Variants in DISC1 observed in about 807,000 individuals in gnomAD.
DISC1 encodes the protein DISC1 scaffold protein, also known as disrupted in schizophrenia 1 protein.
DISC1 carries 57 observed loss-of-function variants against 84.5 expected under a neutral mutation model. The ratio of observed to expected loss-of-function variants is 0.67; its 90% CI spans 0.55 to 0.84. The LOEUF is 0.84. Among genes scored for constraint, DISC1 ranks in the 40% least tolerant of loss-of-function variants. The probability of loss-of-function intolerance (pLI) is 0.00; values close to 1 mark genes in which losing one functional copy is unlikely to be tolerated. For missense variants in DISC1, 1,000 were observed against 1,057.8 expected (o/e 0.95, Z 0.76); for synonymous variants, 411 against 415.2 (o/e 0.99, Z 0.12).
At chr1:231,982,269 A>G (rs1444771924) in intron 10 of DISC1, among the ~76,000 whole-genome samples, 1 of 152,136 alleles carries the variant, frequency 6.6e-6, no homozygotes, top group Non-Finnish European at 1.5e-5. Context: ...CAGCAGCATT[A>G]GGGTTGGGAA....
At chr1:231,798,831 G>C in intron 7 of DISC1, among the ~76,000 whole-genome samples, 1 of 152,170 alleles carries the variant, frequency 6.6e-6, no homozygotes, top group East Asian at 1.9e-4. Context: ...AGAACATATG[G>C]AAGTCCATGA....
At chr1:231,808,437 C>T (rs754824815) in intron 8 of DISC1, among the ~76,000 whole-genome samples, 2 of 152,198 alleles carry the variant, frequency 1.3e-5, no homozygotes, top group Admixed American at 6.5e-5. Context: ...ACTGATGTTA[C>T]TCTCCCCTGG....
At chr1:231,928,518 T>C (rs765487061) in intron 9 of DISC1, among the ~76,000 whole-genome samples, 4 of 152,244 alleles carry the variant, frequency 2.6e-5, no homozygotes, top group Admixed American at 6.5e-5. Context: ...CCTGGACTCA[T>C]TGATTTTTTT....
intron 8 of DISC1, 150 bp from the exon 9 acceptor site, chr1:231,818,179 C>T (rs1334649662): frequency 3.7e-6 from 3 of 819,782 alleles, no homozygotes; most frequent in Non-Finnish European, 6.1e-6. Flanking sequence ...AGGTTCTTTC[C>T]CCAGAGGACT....
intron 4 of DISC1, among the ~76,000 whole-genome samples, chr1:231,752,411 C>T (rs1038526512): frequency 9.9e-5 from 15 of 151,986 alleles, no homozygotes; most frequent in Non-Finnish European, 1.9e-4. Context: ...GAGGGAGGTG[C>T]CACACACTTT....
chr1:231,892,552 A>G (rs1175550331), intron 9 of DISC1, among the ~76,000 whole-genome samples: 2 of 152,128 alleles, frequency 1.3e-5, no homozygotes, highest in African/African-American at 4.8e-5. Flanking sequence ...ATTATTAACT[A>G]TGTTAGAGAG....
chr1:231,754,159 G>T (rs964693675), intron 4 of DISC1, among the ~76,000 whole-genome samples: 1 of 152,048 alleles, frequency 6.6e-6, no homozygotes, highest in Non-Finnish European at 1.5e-5. Flanking sequence ...CGATTCCAAA[G>T]CCAGTTCCAC....
chr1:231,755,680 G>A (rs1005739692), intron 4 of DISC1, among the ~76,000 whole-genome samples: 1 of 152,074 alleles, frequency 6.6e-6, no homozygotes, highest in East Asian at 1.9e-4. Flanking sequence ...TATATCCCCA[G>A]TCTGAATGAC....
intron 1 of DISC1, among the ~76,000 whole-genome samples, chr1:231,635,348 G>A (rs987632711): frequency 1.3e-5 from 2 of 151,804 alleles, no homozygotes; most frequent in African/African-American, 2.4e-5. Context: ...TCTGCCCACC[G>A]AGAATATTAC....
chr1:231,747,472 A>G (rs779286402), intron 3 of DISC1, among the ~76,000 whole-genome samples: 4 of 152,180 alleles, frequency 2.6e-5, no homozygotes, highest in African/African-American at 4.8e-5. Context: ...CCTTCTGCAT[A>G]TGGATATACA....
chr1:232,017,476 T>A (rs1668585408), intron 11 of DISC1, among the ~76,000 whole-genome samples: 1 of 134,608 alleles, frequency 7.4e-6, no homozygotes, highest in South Asian at 2.4e-4. Flanking sequence ...AGGGAACACC[T>A]GTCCTTTTTT....
At chr1:231,926,218 G>A (rs1460014984) in intron 9 of DISC1, among the ~76,000 whole-genome samples, 1 of 152,144 alleles carries the variant, frequency 6.6e-6, no homozygotes, top group African/African-American at 2.4e-5. Context: ...TATCCCATTT[G>A]TGGATAGACT....
At chr1:231,730,520 C>A (rs58160737) in intron 3 of DISC1, among the ~76,000 whole-genome samples, 16,161 of 152,068 alleles carry the variant, frequency 0.11, 969 homozygotes, top group Non-Finnish European at 0.13. Flanking sequence ...TCTATTGATC[C>A]TGTCACCCCA....
intron 1 of DISC1, among the ~76,000 whole-genome samples, chr1:231,690,149 T>C (rs1471084187): frequency 1.3e-5 from 2 of 152,186 alleles, no homozygotes; most frequent in Non-Finnish European, 2.9e-5. Flanking sequence ...TGTTCTAAGC[T>C]GCTTTCACTT....
chr1:231,942,723 C>A (rs1213603540), intron 9 of DISC1, among the ~76,000 whole-genome samples: 1 of 152,082 alleles, frequency 6.6e-6, no homozygotes, highest in African/African-American at 2.4e-5. Context: ...TGGCCAGAGG[C>A]GCCACATTTT....
chr1:231,823,713 G>A (rs899891919), intron 9 of DISC1, among the ~76,000 whole-genome samples: 3 of 152,072 alleles, frequency 2.0e-5, no homozygotes, highest in African/African-American at 4.8e-5. Context: ...GCATGTCATC[G>A]GGGTTTGGTG....
intron 1 of DISC1, among the ~76,000 whole-genome samples, chr1:231,644,715 C>T (rs1437611332): frequency 6.6e-6 from 1 of 152,172 alleles, no homozygotes; most frequent in Non-Finnish European, 1.5e-5. Context: ...GGGTGTCTAG[C>T]TATGACCCCC....
chr1:231,898,606 A>T (rs565041867), intron 9 of DISC1, among the ~76,000 whole-genome samples: 1 of 152,344 alleles, frequency 6.6e-6, no homozygotes, highest in East Asian at 1.9e-4. Flanking sequence ...TCAACAAGTA[A>T]GGTTGGAAAG....
At chr1:231,847,932 G>T (rs2083580489) in intron 9 of DISC1, among the ~76,000 whole-genome samples, 1 of 152,172 alleles carries the variant, frequency 6.6e-6, no homozygotes, top group African/African-American at 2.4e-5. Flanking sequence ...CCAAGTGAAT[G>T]AATAAAACCA....
Sources: gnomAD v4.1 joint callset for allele counts (sites outside exome capture counted in the v4.1 genomes callset) on GRCh38, gnomAD v4.1.1 for gene constraint, MANE v1.5 for transcripts, NCBI Gene and HGNC (gene_info 2026-07-23, HGNC 2026-07-21) for gene names.